IL10RB: variants seen among roughly 807,000 people sequenced by gnomAD.
The protein encoded by IL10RB is interleukin-10 receptor subunit beta.
Under a neutral mutation model 38.7 loss-of-function variants are expected in IL10RB, and 30 were observed. The ratio of observed to expected loss-of-function variants is 0.78; its 90% CI spans 0.58 to 1.05. The LOEUF is 1.05. IL10RB is among the 50% of genes least tolerant of loss of function. The pLI is 0.00. For missense variants in IL10RB, 328 were observed against 397.1 expected (o/e 0.83, Z 1.48); for synonymous variants, 142 against 145.9 (o/e 0.97, Z 0.19).
intron 4 of IL10RB, among the ~76,000 whole-genome samples, chr21:33,281,258 A>C (rs1343372742): frequency 4.6e-5 from 7 of 152,238 alleles, no homozygotes. Context: ...ATCACTGATC[A>C]AATGCAGGCA....
At chr21:33,290,746 G>A (rs1440553999) in intron 6 of IL10RB, among the ~76,000 whole-genome samples, 2 of 152,206 alleles carry the variant, frequency 1.3e-5, no homozygotes, top group Non-Finnish European at 2.9e-5. Flanking sequence ...TTCCAGTCTG[G>A]CAGCTGCTGG....
chr21:33,288,399 A>C, intron 6 of IL10RB, 138 bp downstream of exon 6: 7 of 681,042 alleles, frequency 1.0e-5, no homozygotes, highest in Non-Finnish European at 1.9e-5. Context: ...ACACACACAC[A>C]CACACAGACA....
rs949664612 is a variant in IL10RB at position 33,283,236 on chromosome 21, A to G, written c.641A>G (p.His214Arg). 9 of 1,613,634 alleles carry G rather than the reference A, an allele frequency of 5.6e-6. No individual in the cohort carries two copies. Among genetic ancestry groups the G allele is most frequent in the Middle Eastern group, 3.5e-4 (2 of 5,778 alleles). Reference sequence around the variant, plus strand: ...GAGCCTGTCTGTGAGCAAACAACCCATGACGGTAAGCCCTGAGATGCACCT... The same window carrying G: ...GAGCCTGTCTGTGAGCAAACAACCCGTGACGGTAAGCCCTGAGATGCACCT... ...WSEPVCEQTT[H>R]DETVPSWMVA... The change falls in exon 5 of 7, where the codon CAT becomes CGT. Residue 214 changes from histidine (H) to arginine (R), a missense_variant. Physicochemically the swap from His to Arg is conservative, Grantham distance 29 (BLOSUM62 0). Transcript: ENST00000290200.
intron 6 of IL10RB, among the ~76,000 whole-genome samples, chr21:33,294,615 T>G (rs985335682): frequency 3.3e-5 from 5 of 152,080 alleles, no homozygotes; most frequent in Admixed American, 3.3e-4. Flanking sequence ...CTCCATCAGC[T>G]GCTCAAAACC....
chr21:33,297,261 G>A (rs2082971470), downstream of IL10RB: 1 of 152,148 alleles, frequency 6.6e-6, no homozygotes. Flanking sequence ...GTTAGATACT[G>A]AAAAAGGCTC....
intron 1 of IL10RB, among the ~76,000 whole-genome samples, chr21:33,304,331 C>A (rs1337370456): frequency 6.6e-6 from 1 of 152,164 alleles, no homozygotes; most frequent in Non-Finnish European, 1.5e-5. Flanking sequence ...GACACTAAGC[C>A]CAGTTGAACA....
At chr21:33,299,631 T>C (rs564503627), downstream of IL10RB, among the ~76,000 whole-genome samples, 1 of 152,310 alleles carries the variant, frequency 6.6e-6, no homozygotes, top group East Asian at 1.9e-4. Flanking sequence ...CTCACAACCA[T>C]GGGTCTCAGC....
At chr21:33,308,597 TG>T (rs1160283687) in intron 1 of IL10RB, 1 of 152,146 alleles carries the variant, frequency 6.6e-6, no homozygotes, top group African/African-American at 2.4e-5. Flanking sequence ...TATAATCACA[TG>T]GAAAACTGTA....
intron 6 of IL10RB, among the ~76,000 whole-genome samples, chr21:33,294,622 A>T (rs912592351): frequency 3.3e-5 from 5 of 152,120 alleles, no homozygotes; most frequent in Admixed American, 3.3e-4. Context: ...AGCTGCTCAA[A>T]ACCCACAAGG....
Position 33,296,721 on chromosome 21 carries a change from G to T in IL10RB, c.*364G>T. ...ACCAGCACCTTAGAGGTCGAGGCAG[G>T]CGGATCACTTGAGGTCAGGAGTTCA... On this transcript the variant is annotated 3_prime_UTR_variant, in exon 7 of 7. Coordinates refer to ENST00000290200, the MANE Select transcript of IL10RB (RefSeq NM_000628.5). 2.6e-6 allele frequency: 1 copy of T among 379,728 alleles called. No individual in the cohort carries two copies. The highest frequency in any genetic ancestry group is 5.2e-6 in the Non-Finnish European group (1 of 192,920). 23.5% of individuals were successfully genotyped at this position (379,728 alleles called of 1,614,324 possible).
intron 2 of IL10RB, among the ~76,000 whole-genome samples, 198 bp from the exon 3 acceptor site, chr21:33,276,398 A>T (rs940780871): frequency 1.3e-5 from 2 of 152,194 alleles, no homozygotes; most frequent in Non-Finnish European, 2.9e-5. Context: ...AAGTATGCTG[A>T]ATACTCAACC....
intron 2 of IL10RB, among the ~76,000 whole-genome samples, chr21:33,271,889 C>T (rs999437480): frequency 6.6e-6 from 1 of 151,622 alleles, no homozygotes; most frequent in Non-Finnish European, 1.5e-5. Flanking sequence ...GCCAGGAGTT[C>T]AAGACCAGCC....
intron 1 of IL10RB, among the ~76,000 whole-genome samples, chr21:33,307,463 G>C (rs1362677703): frequency 6.6e-6 from 1 of 152,178 alleles, no homozygotes; most frequent in African/African-American, 2.4e-5. Context: ...TTGTCTTGCA[G>C]CTGCCCAAGA....
chr21:33,285,439 A>G (rs1989355946), intron 5 of IL10RB, among the ~76,000 whole-genome samples: 1 of 152,152 alleles, frequency 6.6e-6, no homozygotes, highest in Non-Finnish European at 1.5e-5. Context: ...TGAATCTGAA[A>G]CAAGTTAGAG....
At position 33,276,703 on chromosome 21, in the gene IL10RB, C is replaced by T. The variant is rs1989178153; in HGVS notation, c.281C>T (p.Ala94Val). The stretch of plus-strand genomic sequence containing the variant: ...ACCTTGAGAGTCAGGGCTGAATTTG[C>T]AGATGAGCATTCAGACTGGGTAAAC... ...DHTLRVRAEF[A>V]DEHSDWVNIT... The change falls in exon 3 of 7, where the codon GCA (alanine) becomes GTA (valine). Residue 94 changes from alanine (A) to valine (V), a missense_variant. By Grantham distance (64) the Ala-to-Val change is moderately conservative. Coordinates refer to ENST00000290200, the MANE Select transcript of IL10RB (RefSeq NM_000628.5). 2 of 1,613,688 alleles carry T rather than the reference C, an allele frequency of 1.2e-6. No individual in the cohort carries two copies. Among genetic ancestry groups the T allele is most frequent in the Non-Finnish European group, 1.7e-6 (2 of 1,179,700 alleles).
chr21:33,283,173 G>A lies in IL10RB; in HGVS notation c.578G>A (p.Gly193Glu). ...ACAACTTATTGTGTTCAAGTTCGAGGGTTTCTTCCTGATCGGAACAAAGCT... is the reference window on the plus strand; with the variant it reads ...ACAACTTATTGTGTTCAAGTTCGAGAGTTTCTTCCTGATCGGAACAAAGCT... ...PWTTYCVQVRGFLPDRNKAGE... is the reference protein window; with the variant it reads ...PWTTYCVQVREFLPDRNKAGE... The change falls in exon 5 of 7, where the codon GGG (glycine) becomes GAG (glutamate). Residue 193 changes from glycine to glutamate, a missense_variant. Gly to Glu is a moderately conservative substitution (Grantham distance 98). Transcript: ENST00000290200. The A allele has an allele frequency of 6.2e-7, 1 of 1,614,028 alleles. No individual in the cohort carries two copies. The highest frequency in any genetic ancestry group is 8.5e-7 in the Non-Finnish European group (1 of 1,179,962).
chr21:33,293,424 C>T (rs1185692508), intron 6 of IL10RB, among the ~76,000 whole-genome samples: 2 of 152,190 alleles, frequency 1.3e-5, no homozygotes, highest in African/African-American at 4.8e-5. Flanking sequence ...ACAAGCGCCT[C>T]CTCCACAAAA....
Position 33,279,947 on chromosome 21 carries a change from T to C in IL10RB, c.498+29T>C, listed in dbSNP as rs1313384150. The C allele has an allele frequency of 2.5e-6, 4 of 1,599,042 alleles. No individual in the cohort carries two copies. The African/African-American group carries it at 4.0e-5, about 16-fold the overall frequency. ...AGGTTGGCTAATTGCATTTCAGAGG[T>C]AGTAGGCTTTCATATTCTTTGCAGA... On this transcript the variant is annotated intron_variant, in intron 4 of 6. Coordinates refer to ENST00000290200, the MANE Select transcript of IL10RB (RefSeq NM_000628.5).
Position 33,268,323 on chromosome 21 carries a change from G to A in IL10RB, c.50-71G>A, listed in dbSNP as rs8178449. On this transcript the variant is annotated intron_variant, in intron 1 of 6. Transcript: ENST00000290200. Reference sequence around the variant, plus strand: ...GAGCCATAGAGGAGAACCAAGTGCTGGATGTGGGCTTTTTCATGGGCATCT... The same window carrying A: ...GAGCCATAGAGGAGAACCAAGTGCTAGATGTGGGCTTTTTCATGGGCATCT... The A allele has an allele frequency of 1.1e-3, 1,812 of 1,608,854 alleles. 27 individuals are homozygous for A. The African/African-American group carries it at 0.021, about 18-fold the overall frequency.
Sources: gnomAD v4.1 joint callset for allele counts (sites outside exome capture counted in the v4.1 genomes callset) on GRCh38, gnomAD v4.1.1 for gene constraint, MANE v1.5 for transcripts, NCBI Gene and HGNC (gene_info 2026-07-23, HGNC 2026-07-21) for gene names.